The following TRAK1 variants were observed in gnomAD, a reference collection of about 807,000 sequenced individuals.
The protein encoded by TRAK1 is trafficking kinesin-binding protein 1.
A neutral mutation model predicts 92.1 loss-of-function variants in TRAK1; 33 were observed. The observed-to-expected ratio is 0.36, with a 90% confidence interval of 0.27 to 0.48. TRAK1 has a LOEUF of 0.48. TRAK1 is among the 20% of genes least tolerant of loss of function. The probability of loss-of-function intolerance (pLI) is 0.99; values close to 1 mark genes in which losing one functional copy is unlikely to be tolerated. For missense variants in TRAK1, 1,123 were observed against 1,257.9 expected, an observed-to-expected ratio of 0.89 and a Z score of 1.62; for synonymous variants, 521 against 517.3, an observed-to-expected ratio of 1.01 and a Z score of -0.10.
intron 1 of TRAK1, among the ~76,000 whole-genome samples, chr3:42,048,142 C>T (rs1469395970): frequency 6.6e-6 from 1 of 152,112 alleles, no homozygotes; most frequent in Non-Finnish European, 1.5e-5. Context: ...TTCTTAAGAA[C>T]TTGATATGTA....
At chr3:42,156,620 G>A (rs975638643) in intron 2 of TRAK1, among the ~76,000 whole-genome samples, 4 of 152,156 alleles carry the variant, frequency 2.6e-5, no homozygotes, top group African/African-American at 9.7e-5. Context: ...ACAATAAAAA[G>A]CCAACTAATA....
At chr3:42,197,194 T>C (rs1706845931) in intron 10 of TRAK1, among the ~76,000 whole-genome samples, 1 of 152,162 alleles carries the variant, frequency 6.6e-6, no homozygotes, top group Admixed American at 6.5e-5. Context: ...TGTGACTTTT[T>C]CTCAGTATGG....
chr3:42,164,344 C>A (rs1701624935), intron 2 of TRAK1, among the ~76,000 whole-genome samples: 1 of 152,202 alleles, frequency 6.6e-6, no homozygotes, highest in African/African-American at 2.4e-5. Flanking sequence ...ATACAGGATA[C>A]ATTTGTTGTT....
chr3:42,212,315 C>G, intron 14 of TRAK1: 1 of 985,382 alleles, frequency 1.0e-6, no homozygotes, highest in Non-Finnish European at 1.2e-6. Flanking sequence ...ATCCCAGGAA[C>G]TATTGTCTGC....
chr3:42,107,005 C>G (rs1707655860), intron 1 of TRAK1, among the ~76,000 whole-genome samples: 1 of 152,130 alleles, frequency 6.6e-6, no homozygotes, highest in African/African-American at 2.4e-5. Flanking sequence ...TAATGTGGCA[C>G]TTAACTTTTC....
At chr3:42,211,125 G>A (rs1026881244) in intron 14 of TRAK1, 3 of 985,208 alleles carry the variant, frequency 3.0e-6, no homozygotes, top group East Asian at 1.1e-4. Flanking sequence ...CAGGTTAGAA[G>A]TGAGGACGTT....
rs1360115223 is a variant in TRAK1, at chr3:42,202,553, C to A, written c.1545C>A (p.Phe515Leu). The change falls in exon 13 of 16, where the codon TTC becomes TTA. Residue 515 changes from phenylalanine to leucine, a missense_variant. Phe to Leu is a conservative substitution (Grantham distance 22). Around this residue, in one of 3 missense-constraint regions of TRAK1, gnomAD observed 686 missense variants for 747.6 expected, o/e 0.92. Coordinates refer to ENST00000327628, the MANE Select transcript of TRAK1 (RefSeq NM_001042646.3). The surrounding 1 kb of genome is among the most constrained non-coding windows in gnomAD (Gnocchi z 6.1). ...AGAACTACCTCTCGGAGAGGAGGTT[C>A]TTTGAGGAGGAGCAAGAGAGGAAGC... ...RRENYLSERR[F>L]FEEEQERKLQ... 1.3e-6 allele frequency: 2 copies of A among 1,578,512 alleles called. No homozygotes were observed. Among genetic ancestry groups the A allele is most frequent in the Admixed American group, 3.4e-5 (2 of 58,212 alleles).
chr3:42,081,067 G>A (rs1450059792), intron 1 of TRAK1, among the ~76,000 whole-genome samples: 1 of 152,064 alleles, frequency 6.6e-6, no homozygotes, highest in African/African-American at 2.4e-5. Context: ...TGTAGAGTTA[G>A]GGTTCCACCA....
At chr3:42,193,248 G>T in intron 8 of TRAK1, 43 bp downstream of exon 8, 2 of 1,606,868 alleles carry the variant, frequency 1.2e-6, no homozygotes, top group Non-Finnish European at 1.7e-6. Context: ...CAATGGCCAT[G>T]CTGAGACGGG....
chr3:42,200,029 T>C (rs143850025), intron 11 of TRAK1, among the ~76,000 whole-genome samples: 168 of 152,344 alleles, frequency 1.1e-3, no homozygotes, highest in African/African-American at 3.5e-3. Flanking sequence ...CCATCTGTCT[T>C]CCTACCTCAA....
Position 42,223,280 on chromosome 3 carries a change from C to T in TRAK1, c.2405C>T (p.Thr802Met), listed in dbSNP as rs757431883. ...CCACCCTCCTTTGAGTTCAAGTGCA[C>T]GAGCCCTCCCTACGACAATTTCCTG... ...SSPPSFEFKC[T>M]SPPYDNFLAS... Residue 802 changes from threonine to methionine, a missense_variant, in exon 16 of 16, where the codon ACG becomes ATG. Coordinates refer to ENST00000327628, the MANE Select transcript of TRAK1 (RefSeq NM_001042646.3). This position sits in a 1 kb window ranked among gnomAD's most constrained non-coding sequence, Gnocchi z 6.1. 3.0e-5 allele frequency: 49 copies of T among 1,614,104 alleles called. No homozygotes were observed. The highest frequency in any genetic ancestry group is 1.6e-4 in the Middle Eastern group (1 of 6,084).
chr3:42,115,282 A>G (rs1306298794), intron 1 of TRAK1, among the ~76,000 whole-genome samples: 1 of 151,980 alleles, frequency 6.6e-6, no homozygotes, highest in Non-Finnish European at 1.5e-5. Context: ...TTTAGTTGTG[A>G]CATTTTGGGG....
intron 14 of TRAK1, among the ~76,000 whole-genome samples, chr3:42,213,054 A>ACT (rs766007553): frequency 3.5e-5 from 4 of 113,072 alleles, no homozygotes; most frequent in African/African-American, 1.4e-4. Context: ...TGGAGCTGAG[A>ACT]TTTTTTTTTT....
Position 42,075,382 on chromosome 3 carries a change from A to G in TRAK1, c.-518-11722A>G, listed in dbSNP as rs75987370. On this transcript the variant is annotated intron_variant, in intron 1 of 16. Coordinates refer to the TRAK1 transcript ENST00000487159. ...AAAAAAAAAAGAATGAGGTATTACTATGTTGCCCAGGCTGGTCTTGAACTC... is the reference window on the plus strand; with the variant it reads ...AAAAAAAAAAGAATGAGGTATTACTGTGTTGCCCAGGCTGGTCTTGAACTC... Among the ~76,000 whole-genome samples, 574 of 149,244 alleles carry G rather than the reference A, an allele frequency of 3.8e-3. 2 individuals are homozygous for G. Among genetic ancestry groups the G allele is most frequent in the African/African-American group, 0.014 (551 of 40,502 alleles).
intron 2 of TRAK1, among the ~76,000 whole-genome samples, chr3:42,144,165 G>A (rs1424399068): frequency 6.6e-6 from 1 of 151,948 alleles, no homozygotes; most frequent in Non-Finnish European, 1.5e-5. Flanking sequence ...AATCAGTTAT[G>A]TTGGAAAAAG....
At chr3:42,199,122 G>A in intron 10 of TRAK1, 55 bp from the exon 11 acceptor site, 1 of 1,601,848 alleles carries the variant, frequency 6.2e-7, no homozygotes, top group Admixed American at 1.7e-5. Context: ...CTCTTTTAGA[G>A]ACAGAGCATT....
chr3:42,150,094 G>A (rs1320864038), intron 2 of TRAK1, among the ~76,000 whole-genome samples: 1 of 152,042 alleles, frequency 6.6e-6, no homozygotes, highest in Non-Finnish European at 1.5e-5. Context: ...AGAGGCTGGA[G>A]AAAAGGCAGA....
chr3:42,086,273 G>T (rs552340727), upstream of TRAK1, among the ~76,000 whole-genome samples: 1 of 151,596 alleles, frequency 6.6e-6, no homozygotes, highest in Non-Finnish European at 1.5e-5. Flanking sequence ...TTAAATGAGG[G>T]TGAGTCTGTA....
At chr3:42,161,035 C>T (rs1701220269) in intron 2 of TRAK1, among the ~76,000 whole-genome samples, 1 of 152,164 alleles carries the variant, frequency 6.6e-6, no homozygotes, top group South Asian at 2.1e-4. Flanking sequence ...TTATTAATCA[C>T]TTATCTGAAA....
Sources: allele counts gnomAD v4.1 joint callset (sites outside exome capture counted in the v4.1 genomes callset), GRCh38; gene constraint gnomAD v4.1.1; regional missense constraint gnomAD v4.1.1; non-coding constraint Gnocchi (gnomAD v3.1); transcripts MANE v1.5; gene names NCBI Gene and HGNC (gene_info 2026-07-23, HGNC 2026-07-21).